Variants in LARP1 observed in about 807,000 individuals in gnomAD.
LARP1 encodes the protein La ribonucleoprotein 1, translational regulator, also known as la-related protein 1.
A neutral mutation model predicts 122.7 loss-of-function variants in LARP1; 36 were observed. That is an observed-to-expected ratio of 0.29 (90% CI 0.22 to 0.39). The LOEUF is 0.39. LARP1 is among the 10% of genes least tolerant of loss of function. The probability of loss-of-function intolerance (pLI) is 1.00; values close to 1 mark genes in which losing one functional copy is unlikely to be tolerated. For synonymous variants in LARP1, 539 were observed against 528.7 expected (o/e 1.02, Z -0.27); for missense variants, 1,040 against 1,403.6 (o/e 0.74, Z 4.14).
rs995680032 is a variant in LARP1 at position 154,775,707 on chromosome 5, C to G, written c.437-14618C>G. On this transcript the variant is annotated intron_variant, in intron 1 of 18. Coordinates refer to ENST00000518297, the MANE Select transcript of LARP1 (RefSeq NM_033551.3). ...CAAGAGGAGTGGATTCTGGTGGCCTCAGTCCCCTGTAGGGCCTACAGGCTT... is the reference window on the plus strand; with the variant it reads ...CAAGAGGAGTGGATTCTGGTGGCCTGAGTCCCCTGTAGGGCCTACAGGCTT... Among the ~76,000 whole-genome samples, 3 of 152,186 alleles carry G rather than the reference C, an allele frequency of 2.0e-5. No homozygotes were observed. In the East Asian group the frequency reaches 5.8e-4, roughly 29 times the overall value.
In LARP1 at chr5:154,815,528, C is replaced by CTTA. The variant is rs1759609970; in HGVS notation, c.*1433_*1434insTAT. The stretch of plus-strand genomic sequence containing the variant: ...TTGAGACCTCAGGGAGGCTCTGTCT[C>CTTA]TCTTAAAAGGTGGAGAAAGATGCCA... On this transcript the variant is annotated 3_prime_UTR_variant, in exon 19 of 19. Transcript: ENST00000518297. 1 of 152,168 alleles carries CTTA rather than the reference C, an allele frequency of 6.6e-6. No individual in the cohort carries two copies. Among genetic ancestry groups the CTTA allele is most frequent in the Non-Finnish European group, 1.5e-5 (1 of 68,034 alleles). The allele number at this position is 152,168 out of a possible 1,614,324, so 9.4% of individuals were successfully genotyped here. A position where few individuals can be genotyped will look rare whatever the true frequency, so the allele number is the denominator to read the frequency against.
intron 1 of LARP1, among the ~76,000 whole-genome samples, chr5:154,756,862 G>A (rs1019474229): frequency 6.6e-6 from 1 of 152,040 alleles, no homozygotes; most frequent in African/African-American, 2.4e-5. Context: ...TTAAGAAGGA[G>A]CCCGATGGCG....
intron 1 of LARP1, among the ~76,000 whole-genome samples, chr5:154,769,754 A>G (rs1345476009): frequency 6.6e-6 from 1 of 152,240 alleles, no homozygotes; most frequent in East Asian, 1.9e-4. Context: ...CTGTGTGATC[A>G]GTCTCAGAGT....
intron 1 of LARP1, among the ~76,000 whole-genome samples, chr5:154,740,994 A>C (rs922977815): frequency 6.6e-5 from 10 of 152,204 alleles, no homozygotes; most frequent in Non-Finnish European, 1.3e-4. Context: ...CCTCAGGGGC[A>C]CTGGGATCAA....
At chr5:154,709,809 C>T (rs1206148663), upstream of LARP1, among the ~76,000 whole-genome samples, 1 of 151,974 alleles carries the variant, frequency 6.6e-6, no homozygotes, top group Non-Finnish European at 1.5e-5. Flanking sequence ...TTGTCACTTG[C>T]TACTCACTGA....
intron 1 of LARP1, among the ~76,000 whole-genome samples, chr5:154,782,525 G>T (rs544995153): frequency 2.4e-4 from 37 of 152,252 alleles, no homozygotes; most frequent in African/African-American, 7.7e-4. Context: ...CTGGGCCTGG[G>T]CTGGGCCAGG....
intron 1 of LARP1, among the ~76,000 whole-genome samples, chr5:154,721,938 A>T (rs1449731798): frequency 6.6e-6 from 1 of 152,168 alleles, no homozygotes; most frequent in Non-Finnish European, 1.5e-5. Context: ...TGACACAGTC[A>T]GATTTATGGT....
chr5:154,753,168 T>C (rs1425813436), upstream of LARP1, among the ~76,000 whole-genome samples: 1 of 152,092 alleles, frequency 6.6e-6, no homozygotes. Context: ...CAGGGGAGGG[T>C]ACTTCTCTAC....
At chr5:154,798,683 A>G (rs1322702156) in intron 8 of LARP1, among the ~76,000 whole-genome samples, 1 of 152,116 alleles carries the variant, frequency 6.6e-6, no homozygotes, top group African/African-American at 2.4e-5. Flanking sequence ...TTGTAGTGAT[A>G]GAGTCTCGCT....
At chr5:154,778,837 A>G (rs1477519601) in intron 1 of LARP1, among the ~76,000 whole-genome samples, 1 of 152,198 alleles carries the variant, frequency 6.6e-6, no homozygotes, top group Non-Finnish European at 1.5e-5. Flanking sequence ...TCCAGTTCTA[A>G]CAAACTAAAA....
At chr5:154,788,646 G>A (rs901438867) in intron 1 of LARP1, among the ~76,000 whole-genome samples, 1 of 151,990 alleles carries the variant, frequency 6.6e-6, no homozygotes, top group African/African-American at 2.4e-5. Context: ...GTGGGTTTCT[G>A]GGGGAGGAAG....
Position 154,802,741 on chromosome 5 carries a change from T to C in LARP1, c.2109+342T>C, listed in dbSNP as rs1038604397. ...TTAAATATTTAGGCATCTAAAAATT[T>C]AGAAGCCTTTTAAGAAGCTTGTGTT... is the stretch of plus-strand genomic sequence containing the variant. On this transcript the variant is annotated intron_variant, in intron 11 of 18. Coordinates refer to ENST00000518297, the MANE Select transcript of LARP1 (RefSeq NM_033551.3). This position sits in a 1 kb window ranked among gnomAD's most constrained non-coding sequence, Gnocchi z 5.1. Among the ~76,000 whole-genome samples, 2 of 152,234 alleles carry C rather than the reference T, an allele frequency of 1.3e-5. No individual in the cohort carries two copies. The highest frequency in any genetic ancestry group is 2.9e-5 in the Non-Finnish European group (2 of 68,042).
intron 1 of LARP1, among the ~76,000 whole-genome samples, chr5:154,763,876 TG>T (rs1196232247): frequency 6.6e-6 from 1 of 150,434 alleles, no homozygotes; most frequent in Non-Finnish European, 1.5e-5. Flanking sequence ...TAGTCGAGCA[TG>T]GTGGTGCGTG....
chr5:154,685,688 G>C (rs1167006833), intron 1 of LARP1: 1 of 384,832 alleles, frequency 2.6e-6, no homozygotes, highest in East Asian at 7.7e-5. Context: ...ATTAGAAAAA[G>C]GGGTCGGGCA....
upstream of LARP1, among the ~76,000 whole-genome samples, chr5:154,755,092 G>C (rs1029793201): frequency 5.9e-5 from 9 of 152,004 alleles, no homozygotes; most frequent in African/African-American, 2.2e-4. Flanking sequence ...CTCCCGAATT[G>C]CATCAGGCAC....
rs780043565 is a variant in LARP1 at position 154,803,706 on chromosome 5, T to C, written c.2400T>C (p.Phe800=). The C allele has an allele frequency of 3.1e-6, 5 of 1,614,204 alleles. No individual in the cohort carries two copies. The highest frequency in any genetic ancestry group is 3.3e-5 in the Admixed American group (2 of 60,028). ...QLKDSSQTSR[F]YPVVKEGRTL... ...AAGACTCAAGCCAGACATCACGGTT[T>C]TACCCAGTGGTGAAAGAAGGACGGA... Residue 800 remains phenylalanine, a synonymous_variant, in exon 13 of 19, where the codon TTT becomes TTC. Transcript: ENST00000518297. This position sits in a 1 kb window ranked among gnomAD's most constrained non-coding sequence, Gnocchi z 4.4.
chr5:154,763,384 C>A (rs768026564), intron 1 of LARP1, among the ~76,000 whole-genome samples: 53 of 152,092 alleles, frequency 3.5e-4, no homozygotes, highest in Admixed American at 1.4e-3. Context: ...TTTTTATTCC[C>A]ACTTCACAGA....
chr5:154,744,976 GAGTCC>G (rs1172466387), intron 1 of LARP1, among the ~76,000 whole-genome samples: 1 of 149,234 alleles, frequency 6.7e-6, no homozygotes, highest in African/African-American at 2.5e-5. Flanking sequence ...CACCAGACTG[GAGTCC>G]AGTGGCACCA....
At chr5:154,782,084 G>C (rs1241490827) in intron 1 of LARP1, among the ~76,000 whole-genome samples, 1 of 152,202 alleles carries the variant, frequency 6.6e-6, no homozygotes, top group East Asian at 1.9e-4. Flanking sequence ...TGAGGAGTCA[G>C]TCATCTTGCT....
Sources: gnomAD v4.1 joint callset for allele counts (sites outside exome capture counted in the v4.1 genomes callset) on GRCh38, gnomAD v4.1.1 for gene constraint, Gnocchi (gnomAD v3.1) non-coding constraint, MANE v1.5 for transcripts, NCBI Gene and HGNC (gene_info 2026-07-23, HGNC 2026-07-21) for gene names.